The following NR2C1 variants were observed in gnomAD, a reference collection of about 807,000 sequenced individuals.
NR2C1 encodes the protein nuclear receptor subfamily 2 group C member 1.
NR2C1 carries 33 observed loss-of-function variants against 74.8 expected under a neutral mutation model. The observed-to-expected ratio is 0.44, with a 90% confidence interval of 0.33 to 0.59. The LOEUF is 0.59. Among genes scored for constraint, NR2C1 ranks in the 20% least tolerant of loss-of-function variants. NR2C1 has a pLI of 0.02. For missense variants in NR2C1, 568 were observed against 715.6 expected, an observed-to-expected ratio of 0.79 and a Z score of 2.35; for synonymous variants, 225 against 240.6, an observed-to-expected ratio of 0.94 and a Z score of 0.60.
chr12:95,022,715 T>TC (rs1254834678), intron 13 of NR2C1, among the ~76,000 whole-genome samples: 34 of 151,882 alleles, frequency 2.2e-4, no homozygotes, highest in African/African-American at 7.3e-4. Context: ...TTTTTTTTTT[T>TC]TGAGAGAGGG....
intron 10 of NR2C1, among the ~76,000 whole-genome samples, chr12:95,032,103 G>A (rs1441650135): frequency 6.6e-6 from 1 of 152,188 alleles, no homozygotes; most frequent in African/African-American, 2.4e-5. Flanking sequence ...CCTGACCTCA[G>A]CTGATCCGCC....
At chr12:95,060,268 A>C (rs1486665781) in intron 3 of NR2C1, among the ~76,000 whole-genome samples, 1 of 152,210 alleles carries the variant, frequency 6.6e-6, no homozygotes, top group Non-Finnish European at 1.5e-5. Context: ...AATCATGCAG[A>C]TGTGCTCGCT....
chr12:95,049,019 C>T (rs1872645040), intron 9 of NR2C1, 49 bp downstream of exon 9: 2 of 1,506,248 alleles, frequency 1.3e-6, no homozygotes, highest in East Asian at 4.5e-5. Flanking sequence ...AAAGGTAGAT[C>T]AAAATCAAGC....
intron 1 of NR2C1, chr12:95,072,563 C>A (rs948401483): frequency 2.6e-5 from 4 of 151,588 alleles, no homozygotes; most frequent in Admixed American, 6.6e-5. Context: ...TCTAGCGGTA[C>A]TAAACCCTAA....
At chr12:95,073,129 C>G (rs973556574) in intron 1 of NR2C1, 2 of 152,788 alleles carry the variant, frequency 1.3e-5, no homozygotes, top group Admixed American at 6.5e-5. Flanking sequence ...GCTCGCCGTC[C>G]GGCCCCGCGT....
At chr12:95,070,783 T>C (rs1041991020) in intron 1 of NR2C1, among the ~76,000 whole-genome samples, 4 of 152,230 alleles carry the variant, frequency 2.6e-5, no homozygotes, top group Non-Finnish European at 5.9e-5. Flanking sequence ...ATAATCCGAC[T>C]TCCCCCTATT....
At chr12:95,065,340 AC>A (rs886320052) in intron 2 of NR2C1, among the ~76,000 whole-genome samples, 1 of 151,872 alleles carries the variant, frequency 6.6e-6, no homozygotes, top group African/African-American at 2.4e-5. Context: ...CCGCCACCCC[AC>A]CTGTCTAATT....
chr12:95,031,252 ATATAATAAT>A, intron 11 of NR2C1, 88 bp downstream of exon 11: 3 of 1,023,180 alleles, frequency 2.9e-6, no homozygotes, highest in Non-Finnish European at 4.0e-6. Context: ...TAAAACACTA[ATATAATAAT>A]TATTAGATAT....
chr12:95,033,533 T>C (rs537323340), intron 10 of NR2C1, among the ~76,000 whole-genome samples: 2 of 152,298 alleles, frequency 1.3e-5, no homozygotes, highest in East Asian at 1.9e-4. Context: ...AATAAAACAA[T>C]AGATATTCAA....
At chr12:95,052,832 C>A (rs981917492) in intron 7 of NR2C1, among the ~76,000 whole-genome samples, 7 of 152,136 alleles carry the variant, frequency 4.6e-5, no homozygotes, top group African/African-American at 1.7e-4. Context: ...CCTAGGATGC[C>A]AACTTTTGCC....
chr12:95,056,169 G>A (rs1194744008), intron 7 of NR2C1, among the ~76,000 whole-genome samples: 2 of 151,980 alleles, frequency 1.3e-5, no homozygotes, highest in Non-Finnish European at 2.9e-5. Flanking sequence ...GGGAGGCTGA[G>A]GTGAGAGGAT....
In NR2C1 at chr12:95,054,147, C is replaced by T. The variant is rs74343053; in HGVS notation, c.784-2204G>A. ...CAAAAATCATTTACTGAAAACCCTA[C>T]CAGTTATCATGTTCTTACATAATTA... On this transcript the variant is annotated intron_variant, in intron 7 of 13. Transcript: ENST00000333003. 5.6e-3 allele frequency among the ~76,000 whole-genome samples: 846 copies of T among 152,272 alleles called. 7 individuals are homozygous for T. Among genetic ancestry groups the T allele is most frequent in the African/African-American group, 0.019 (798 of 41,556 alleles).
intron 9 of NR2C1, among the ~76,000 whole-genome samples, chr12:95,046,226 A>G (rs1872294274): frequency 1.3e-5 from 2 of 152,178 alleles, no homozygotes; most frequent in African/African-American, 4.8e-5. Flanking sequence ...CCCTACTACC[A>G]AGATTGCTTT....
intron 10 of NR2C1, among the ~76,000 whole-genome samples, chr12:95,034,582 G>A (rs1407024327): frequency 1.3e-5 from 2 of 152,182 alleles, no homozygotes; most frequent in East Asian, 1.9e-4. Flanking sequence ...TCACCTCTAA[G>A]AAACTATGTT....
chr12:95,030,636 A>C, intron 11 of NR2C1: 1 of 1,612,514 alleles, frequency 6.2e-7, no homozygotes, highest in Non-Finnish European at 8.5e-7. Context: ...TCTGCTGTTA[A>C]ACATAAGGAG....
chr12:95,061,471 G>A (rs1235816534), intron 3 of NR2C1, among the ~76,000 whole-genome samples: 3 of 152,128 alleles, frequency 2.0e-5, no homozygotes, highest in African/African-American at 7.2e-5. Flanking sequence ...ACTACTTAAA[G>A]AAAAATTAAG....
At chr12:95,063,044 A>G (rs1293509362) in intron 2 of NR2C1, among the ~76,000 whole-genome samples, 1 of 152,224 alleles carries the variant, frequency 6.6e-6, no homozygotes, top group Non-Finnish European at 1.5e-5. Context: ...GGGATGTAGC[A>G]GTGAATAAAA....
rs34229669 is a variant in NR2C1 at position 95,043,689 on chromosome 12, C to CAAAAAAAAAAAAAAAAAAAA, written c.1132-3093_1132-3092insTTTTTTTTTTTTTTTTTTTT. On this transcript the variant is annotated intron_variant, in intron 9 of 13. Coordinates refer to ENST00000333003, the MANE Select transcript of NR2C1 (RefSeq NM_003297.4). ...TGGGAGACAGAGCAAGACTCTGTCT[C>CAAAAAAAAAAAAAAAAAAAA]AAAAAAAAAAAAAATCCTTTGCAAA... Among the ~76,000 whole-genome samples, 44 of 94,230 alleles carry CAAAAAAAAAAAAAAAAAAAA rather than the reference C, an allele frequency of 4.7e-4. No homozygotes were observed. The East Asian group carries it at 7.7e-3, about 16-fold the overall frequency. The allele number at this position is 94,230 out of a possible 152,430, so 61.8% of individuals were successfully genotyped here.
chr12:95,030,007 A>G (rs1349693576), intron 11 of NR2C1, among the ~76,000 whole-genome samples: 1 of 152,126 alleles, frequency 6.6e-6, no homozygotes, highest in African/African-American at 2.4e-5. Flanking sequence ...AGCTGGGACT[A>G]TGACTATAGG....
Sources: allele counts gnomAD v4.1 joint callset (sites outside exome capture counted in the v4.1 genomes callset), GRCh38; gene constraint gnomAD v4.1.1; transcripts MANE v1.5; gene names NCBI Gene and HGNC (gene_info 2026-07-23, HGNC 2026-07-21).